RNASET2: variants seen among roughly 807,000 people sequenced by gnomAD.
RNASET2 encodes ribonuclease 6.
A neutral mutation model predicts 33.9 loss-of-function variants in RNASET2; 28 were observed. That is an observed-to-expected ratio of 0.83 (90% CI 0.61 to 1.13). The LOEUF is 1.13. Ranked by LOEUF, RNASET2 falls within the 50% of genes most tolerant of loss-of-function variation. RNASET2 has a pLI of 0.00. For missense variants in RNASET2, 330 were observed against 319.9 expected (o/e 1.03, Z -0.24); for synonymous variants, 123 against 121.0 (o/e 1.02, Z -0.11).
Position 166,928,059 on chromosome 6 carries a change from T to C in RNASET2, c.*1529A>G, listed in dbSNP as rs542340198. ...TGCAGAAGAGGGCTCAGCTCCTCCA[T>C]TACAGAAGAGACAAAATACAGGGAC... On this transcript the variant is annotated 3_prime_UTR_variant, in exon 9 of 9. Coordinates refer to ENST00000508775, the MANE Select transcript of RNASET2 (RefSeq NM_003730.6). 7.2e-5 allele frequency among the ~76,000 whole-genome samples: 11 copies of C among 152,322 alleles called. No individual in the cohort carries two copies. Among genetic ancestry groups the C allele is most frequent in the South Asian group, 6.2e-4 (3 of 4,826 alleles).
At chr6:166,951,107 T>G (rs916661954) in intron 2 of RNASET2, among the ~76,000 whole-genome samples, 1 of 152,206 alleles carries the variant, frequency 6.6e-6, no homozygotes, top group Admixed American at 6.5e-5. Flanking sequence ...CTCCAATGAC[T>G]GATAAGGTCA....
At position 166,927,134 on chromosome 6, in the gene RNASET2, A is replaced by G. The variant is rs939437036; in HGVS notation, c.*2454T>C. Among the ~76,000 whole-genome samples the G allele has an allele frequency of 6.6e-5, 10 of 152,224 alleles. No individual in the cohort carries two copies. Among genetic ancestry groups the G allele is most frequent in the African/African-American group, 2.2e-4 (9 of 41,466 alleles). On this transcript the variant is annotated 3_prime_UTR_variant, in exon 9 of 9. Transcript: ENST00000508775. Reference sequence around the variant, plus strand: ...TTCCTGAGTTGAATCTGGAAAATGCACGACCTACTTGTTTAATGATGTAAA... The same window carrying G: ...TTCCTGAGTTGAATCTGGAAAATGCGCGACCTACTTGTTTAATGATGTAAA...
intron 2 of RNASET2, among the ~76,000 whole-genome samples, chr6:166,949,285 T>C (rs1043868907): frequency 4.8e-5 from 7 of 146,984 alleles, no homozygotes; most frequent in African/African-American, 1.5e-4. Flanking sequence ...GGGCAGATCA[T>C]GAGGTCAGGA....
chr6:166,931,309 C>T, intron 7 of RNASET2, 191 bp from the exon 8 acceptor site: 1 of 620,084 alleles, frequency 1.6e-6, no homozygotes, highest in Non-Finnish European at 2.9e-6. Flanking sequence ...ACCTGGGCTT[C>T]ATCCCCAGAC....
In RNASET2 at chr6:166,926,540, AAAAAAAAAG is replaced by A; in HGVS notation, c.*3039_*3047del. Among the ~76,000 whole-genome samples, 1 of 151,376 alleles carries A rather than the reference AAAAAAAAAG, an allele frequency of 6.6e-6. No individual in the cohort carries two copies. Among genetic ancestry groups the A allele is most frequent in the South Asian group, 2.1e-4 (1 of 4,782 alleles). ...CAGAGTGAGACTCAGTCTCAAAAAA[AAAAAAAAAG>A]AAAAGAAAAGAAAAGATATCTAGTT... On this transcript the variant is annotated 3_prime_UTR_variant, in exon 9 of 9. Transcript: ENST00000508775.
chr6:166,934,364 T>G, intron 6 of RNASET2: 1 of 536,490 alleles, frequency 1.9e-6, no homozygotes, highest in Non-Finnish European at 3.4e-6. Context: ...CAGGTACCCT[T>G]TCCAGTTCCT....
intron 4 of RNASET2, chr6:166,943,834 A>T (rs1245571371): frequency 2.2e-6 from 1 of 454,054 alleles, no homozygotes; most frequent in East Asian, 7.4e-5. Context: ...CTGTTCTAAA[A>T]ACATTGGCCG....
Position 166,925,771 on chromosome 6 carries a change from C to A in RNASET2, c.*3817G>T, listed in dbSNP as rs1468003721. ...CAACCATGGAACTGGGTGTTGATAT[C>A]CCATGGAACTTGCTAAACTAGGTGA... On this transcript the variant is annotated 3_prime_UTR_variant, in exon 9 of 9. Coordinates refer to ENST00000508775, the MANE Select transcript of RNASET2 (RefSeq NM_003730.6). Among the ~76,000 whole-genome samples, 1 of 152,224 alleles carries A rather than the reference C, an allele frequency of 6.6e-6. No individual in the cohort carries two copies. Among genetic ancestry groups the A allele is most frequent in the Non-Finnish European group, 1.5e-5 (1 of 68,040 alleles).
chr6:166,930,917 A>G, intron 8 of RNASET2, 127 bp downstream of exon 8: 3 of 772,172 alleles, frequency 3.9e-6, no homozygotes, highest in Non-Finnish European at 7.1e-6. Flanking sequence ...CCACATGCCC[A>G]CATATACAGA....
rs955313851 is a variant in RNASET2 at position 166,927,225 on chromosome 6, T to A, written c.*2363A>T. ...CGCAGAGTCTTCCCCTTCTGTCTCC[T>A]GCGGCTCATAAGTGCCTTATACTTA... On this transcript the variant is annotated 3_prime_UTR_variant, in exon 9 of 9. Transcript: ENST00000508775. Among the ~76,000 whole-genome samples, 11 of 152,324 alleles carry A rather than the reference T, an allele frequency of 7.2e-5. No homozygotes were observed. Among genetic ancestry groups the A allele is most frequent in the African/African-American group, 2.6e-4 (11 of 41,564 alleles).
chr6:166,941,457 AT>A (rs1778691898), intron 5 of RNASET2, among the ~76,000 whole-genome samples: 1 of 152,066 alleles, frequency 6.6e-6, no homozygotes, highest in African/African-American at 2.4e-5. Flanking sequence ...GTGACATATA[AT>A]TTTTTTTCCT....
At chr6:166,956,051 G>A (rs902082722) in intron 1 of RNASET2, 46 bp downstream of exon 1, 82 of 1,527,248 alleles carry the variant, frequency 5.4e-5, no homozygotes, top group Non-Finnish European at 7.2e-5. Context: ...GAAAGCTCTA[G>A]GGCCCGGCTC....
chr6:166,941,831 C>T (rs1226104165), intron 5 of RNASET2, among the ~76,000 whole-genome samples: 2 of 152,026 alleles, frequency 1.3e-5, no homozygotes, highest in African/African-American at 4.8e-5. Context: ...AAAATAATTA[C>T]CTTCAGTTAA....
intron 6 of RNASET2, 31 bp downstream of exon 6, chr6:166,938,864 G>T: frequency 1.3e-6 from 2 of 1,490,334 alleles, no homozygotes; most frequent in South Asian, 2.3e-5. Flanking sequence ...ATCCCCACTG[G>T]GAAGTGCAGC....
chr6:166,956,497 C>G lies in RNASET2; in HGVS notation c.-315G>C, dbSNP rs1779170212. The G allele has an allele frequency of 2.3e-6, 1 of 429,310 alleles. No individual in the cohort carries two copies. Among genetic ancestry groups the G allele is most frequent in the African/African-American group, 2.1e-5 (1 of 46,666 alleles). The allele number at this position is 429,310 out of a possible 1,614,324, so 26.6% of individuals were successfully genotyped here. On this transcript the variant is annotated 5_prime_UTR_variant, in exon 1 of 9. Coordinates refer to ENST00000508775, the MANE Select transcript of RNASET2 (RefSeq NM_003730.6). Reference sequence around the variant, plus strand: ...GCTTCGCGACCCACAGCGACCCCAGCTCCTCCACGCTGCAGCCGCCGTCCG... The same window carrying G: ...GCTTCGCGACCCACAGCGACCCCAGGTCCTCCACGCTGCAGCCGCCGTCCG...
rs754430788 is a variant in RNASET2 at position 166,929,610 on chromosome 6, G to T, written c.749C>A (p.Pro250Gln). The T allele has an allele frequency of 6.2e-7, 1 of 1,614,022 alleles. No individual in the cohort carries two copies. The highest frequency in any genetic ancestry group is 1.7e-5 in the Admixed American group (1 of 60,006). The change falls in exon 9 of 9, where the codon CCA becomes CAA. Residue 250 changes from proline (P) to glutamine (Q), a missense_variant. Physicochemically the swap from Pro to Gln is moderately conservative, Grantham distance 76. Transcript: ENST00000508775. The part of the protein sequence containing the change: ...VCEDGPVFYP[P>Q]PKKTKH ...GCATCAATGCTTGGTCTTTTTAGGT[G>T]GGGGATAGAAGACTGGGCCATCTTC...
intron 1 of RNASET2, among the ~76,000 whole-genome samples, chr6:166,955,309 ACACACACGCACACACACG>A (rs1562507283): frequency 0.039 from 1,290 of 33,470 alleles, 81 homozygotes; most frequent in African/African-American, 0.14. Flanking sequence ...CGCACACACG[ACACACACGCACACACACG>A]CACGCACGCA....
rs1026516196 is a variant in RNASET2 at position 166,924,795 on chromosome 6, A to G, written c.*4793T>C. Among the ~76,000 whole-genome samples, 1 of 152,150 alleles carries G rather than the reference A, an allele frequency of 6.6e-6. No homozygotes were observed. Among genetic ancestry groups the G allele is most frequent in the African/African-American group, 2.4e-5 (1 of 41,426 alleles). ...TGGAGAAAACCCATCTCTACTAAAA[A>G]TACAAAATTAGCCGGGCATGGTGGC... On this transcript the variant is annotated 3_prime_UTR_variant, in exon 9 of 9. Coordinates refer to ENST00000508775, the MANE Select transcript of RNASET2 (RefSeq NM_003730.6).
intron 1 of RNASET2, 78 bp downstream of exon 1, chr6:166,956,019 G>C (rs1304348451): frequency 1.5e-5 from 21 of 1,393,894 alleles, no homozygotes. Flanking sequence ...CCGACCCCGA[G>C]AGCTGCAGCC....
Sources: allele counts gnomAD v4.1 joint callset (sites outside exome capture counted in the v4.1 genomes callset), GRCh38; gene constraint gnomAD v4.1.1; transcripts MANE v1.5; gene names NCBI Gene and HGNC (gene_info 2026-07-23, HGNC 2026-07-21).